Variants in SNX24 observed in about 807,000 individuals in gnomAD.
SNX24 encodes sorting nexin-24.
SNX24 carries 22 observed loss-of-function variants against 28.7 expected under a neutral mutation model. The ratio of observed to expected loss-of-function variants is 0.77; its 90% CI spans 0.55 to 1.10. The LOEUF (loss-of-function observed/expected upper bound fraction) is 1.10, where lower values mean the gene tolerates loss of function less well. Ranked by LOEUF, SNX24 falls within the 50% of genes least tolerant of loss-of-function variation. The probability of loss-of-function intolerance (pLI) is 0.00; values close to 1 mark genes in which losing one functional copy is unlikely to be tolerated. For synonymous variants in SNX24, 69 were observed against 71.5 expected (o/e 0.96, Z 0.18); for missense variants, 221 against 201.1 (o/e 1.10, Z -0.60).
chr5:122,918,359 G>C (rs561162605), intron 1 of SNX24, among the ~76,000 whole-genome samples: 1 of 152,272 alleles, frequency 6.6e-6, no homozygotes, highest in African/African-American at 2.4e-5. Flanking sequence ...TCTCCTATTT[G>C]CCTGTAGTTT....
At chr5:122,881,498 C>T (rs1008984513) in intron 1 of SNX24, among the ~76,000 whole-genome samples, 2 of 152,124 alleles carry the variant, frequency 1.3e-5, no homozygotes, top group African/African-American at 2.4e-5. Flanking sequence ...GGGATTCATA[C>T]GCACATTTAA....
At chr5:122,993,848 T>C (rs1761956201) in intron 3 of SNX24, among the ~76,000 whole-genome samples, 1 of 152,186 alleles carries the variant, frequency 6.6e-6, no homozygotes, top group Non-Finnish European at 1.5e-5. Flanking sequence ...GCATCTTTCC[T>C]GGTGAAGAGA....
chr5:122,852,095 TACAC>T (rs570618679), intron 1 of SNX24, among the ~76,000 whole-genome samples: 8 of 150,754 alleles, frequency 5.3e-5, no homozygotes, highest in Non-Finnish European at 1.0e-4. Flanking sequence ...TATAAATATA[TACAC>T]ACACACATAT....
intron 3 of SNX24, among the ~76,000 whole-genome samples, chr5:122,964,116 G>A (rs1054661378): frequency 7.9e-5 from 12 of 151,692 alleles, no homozygotes; most frequent in Non-Finnish European, 1.2e-4. Flanking sequence ...GGTGGCAGCC[G>A]CCTGTAATCC....
At chr5:122,884,223 G>C (rs1397944515) in intron 1 of SNX24, among the ~76,000 whole-genome samples, 2 of 141,784 alleles carry the variant, frequency 1.4e-5, no homozygotes, top group Admixed American at 1.4e-4. Flanking sequence ...TTGCTGCCTT[G>C]AATAATTACC....
Position 123,023,959 on chromosome 5 carries a change from G to T in SNX24, n.384-5279G>T, listed in dbSNP as rs777380161. 2.9e-5 allele frequency: 47 copies of T among 1,613,966 alleles called. No individual in the cohort carries two copies. The highest frequency in any genetic ancestry group is 3.7e-5 in the Non-Finnish European group (44 of 1,180,010). ...TGATCGAGCAGTTGGTGAGTGGACGGTCATGCCCATCAGTTGCTTGGAGCT... is the reference window on the plus strand; with the variant it reads ...TGATCGAGCAGTTGGTGAGTGGACGTTCATGCCCATCAGTTGCTTGGAGCT... On this transcript the variant is annotated intron_variant and non_coding_transcript_variant, in intron 5 of 5. Transcript: ENST00000502387.
Position 122,871,297 on chromosome 5 carries a change from C to A in SNX24, c.60+25604C>A, listed in dbSNP as rs551032405. On this transcript the variant is annotated intron_variant, in intron 1 of 6. Coordinates refer to ENST00000261369, the MANE Select transcript of SNX24 (RefSeq NM_014035.4). ...CTCTCCAGGTGATTTTAATTTGTAG[C>A]TAAGCCTGCAGATTGTAGGGTAGAT... 9.9e-5 allele frequency among the ~76,000 whole-genome samples: 15 copies of A among 152,272 alleles called. No homozygotes were observed. The South Asian group carries it at 3.1e-3, about 32-fold the overall frequency.
chr5:122,971,732 T>A (rs1342813942), intron 3 of SNX24, among the ~76,000 whole-genome samples: 1 of 152,212 alleles, frequency 6.6e-6, no homozygotes, highest in African/African-American at 2.4e-5. Context: ...ACATGTTCTG[T>A]TAAAAATAAG....
At position 122,906,119 on chromosome 5, in the gene SNX24, A is replaced by G. The variant is rs184924763; in HGVS notation, c.61-30615A>G. Among the ~76,000 whole-genome samples the G allele has an allele frequency of 1.4e-4, 21 of 152,360 alleles. No homozygotes were observed. In the East Asian group the frequency reaches 3.9e-3, roughly 28 times the overall value. The stretch of plus-strand genomic sequence containing the variant: ...GTTCCTCTGCATTCTTAGGGTGACC[A>G]TACAACTTGGCATCCAAACTGAAAT... On this transcript the variant is annotated intron_variant, in intron 1 of 6. Transcript: ENST00000261369.
At chr5:122,916,686 G>A (rs1225222508) in intron 1 of SNX24, among the ~76,000 whole-genome samples, 2 of 152,124 alleles carry the variant, frequency 1.3e-5, no homozygotes, top group Non-Finnish European at 2.9e-5. Flanking sequence ...AAAGGAAGAG[G>A]CTGTTTACTT....
intron 1 of SNX24, among the ~76,000 whole-genome samples, chr5:122,863,519 T>C (rs1755577682): frequency 6.8e-6 from 1 of 147,392 alleles, no homozygotes; most frequent in African/African-American, 2.5e-5. Context: ...ACGTTGGCTT[T>C]TCTTTTTTCT....
intron 1 of SNX24, among the ~76,000 whole-genome samples, chr5:122,879,357 G>T (rs1756373272): frequency 1.3e-5 from 2 of 152,316 alleles, no homozygotes; most frequent in Admixed American, 1.3e-4. Flanking sequence ...TGTTTCAGGA[G>T]CTGAAATCGC....
chr5:122,939,562 G>C (rs1208014554), intron 2 of SNX24, among the ~76,000 whole-genome samples: 1 of 152,118 alleles, frequency 6.6e-6, no homozygotes, highest in South Asian at 2.1e-4. Context: ...TATGTTTACT[G>C]ATGTGTCTGT....
chr5:122,932,541 T>G (rs1452874150), intron 1 of SNX24, among the ~76,000 whole-genome samples: 2 of 152,228 alleles, frequency 1.3e-5, no homozygotes, highest in East Asian at 3.8e-4. Flanking sequence ...TGGAAACTTA[T>G]GCCCCCATAC....
At chr5:123,025,649 T>A (rs1762839995) in intron 5 of SNX24, 1 of 872,050 alleles carries the variant, frequency 1.1e-6, no homozygotes, top group East Asian at 2.8e-5. Flanking sequence ...CCATATATAA[T>A]TTATTCACCT....
At chr5:123,020,653 A>T (rs1326020594) in intron 5 of SNX24, among the ~76,000 whole-genome samples, 1 of 152,214 alleles carries the variant, frequency 6.6e-6, no homozygotes, top group African/African-American at 2.4e-5. Flanking sequence ...TTGCAAGTCA[A>T]AGGAAATCAG....
intron 2 of SNX24, among the ~76,000 whole-genome samples, chr5:122,942,692 A>G (rs914543819): frequency 6.6e-6 from 1 of 152,190 alleles, no homozygotes; most frequent in Non-Finnish European, 1.5e-5. Context: ...ATCTGCGTGG[A>G]TCAGACAGGC....
At chr5:122,924,468 C>T (rs1384422311) in intron 1 of SNX24, among the ~76,000 whole-genome samples, 1 of 152,108 alleles carries the variant, frequency 6.6e-6, no homozygotes, top group Non-Finnish European at 1.5e-5. Flanking sequence ...TGGCTGGGAC[C>T]GGGCAAGACA....
intron 1 of SNX24, chr5:122,853,891 C>G (rs1755051077): frequency 6.4e-6 from 1 of 157,356 alleles, no homozygotes; most frequent in African/African-American, 2.4e-5. Context: ...GATTGGTTCT[C>G]TACTTAAAAC....
Sources: gnomAD v4.1 joint callset for allele counts (sites outside exome capture counted in the v4.1 genomes callset) on GRCh38, gnomAD v4.1.1 for gene constraint, MANE v1.5 for transcripts, NCBI Gene and HGNC (gene_info 2026-07-23, HGNC 2026-07-21) for gene names.